Variants in PAX2 observed in about 807,000 individuals in gnomAD.
PAX2 encodes paired box 2, also known as paired box protein Pax-2.
A neutral mutation model predicts 41.7 loss-of-function variants in PAX2; 9 were observed. The ratio of observed to expected loss-of-function variants is 0.22; its 90% CI spans 0.13 to 0.38. The LOEUF (loss-of-function observed/expected upper bound fraction) is 0.38, where lower values mean the gene tolerates loss of function less well. Among genes scored for constraint, PAX2 ranks in the 10% least tolerant of loss-of-function variants. PAX2 has a pLI of 1.00. For synonymous variants in PAX2, 221 were observed against 212.7 expected (o/e 1.04, Z -0.34); for missense variants, 418 against 531.6 (o/e 0.79, Z 2.10).
chr10:100,781,425 C>T (rs1589848387), intron 5 of PAX2, 60 bp downstream of exon 5: 1 of 1,597,866 alleles, frequency 6.3e-7, no homozygotes, highest in African/African-American at 1.3e-5. Context: ...GGACTCCAAG[C>T]TCCGGTTTCG....
chr10:100,782,887 G>T (rs1846690971), intron 5 of PAX2, among the ~76,000 whole-genome samples: 1 of 152,242 alleles, frequency 6.6e-6, no homozygotes, highest in South Asian at 2.1e-4. Context: ...GGTAGAATCT[G>T]CCTCAAACCC....
Position 100,809,203 on chromosome 10 carries a change from G to A in PAX2, c.886G>A (p.Val296Met), listed in dbSNP as rs371910463. The change falls in exon 7 of 10, where the codon GTG becomes ATG. Residue 296 changes from valine (V) to methionine (M), a missense_variant. Transcript: ENST00000355243. ...CACCAACCCTGAGCTGGGCAGCAAC[G>A]TGTCAGGCACACAGACATACCCAGT... ...ASTNPELGSN[V>M]SGTQTYPVVT... 1.4e-5 allele frequency: 23 copies of A among 1,613,770 alleles called. No homozygotes were observed. The highest frequency in any genetic ancestry group is 9.3e-5 in the African/African-American group (7 of 74,912).
At chr10:100,756,873 G>A (rs1352162795) in intron 3 of PAX2, among the ~76,000 whole-genome samples, 22 of 152,196 alleles carry the variant, frequency 1.4e-4, no homozygotes, top group Admixed American at 1.4e-3. Context: ...GCTATCCCCA[G>A]TGCAGCTCCC....
chr10:100,807,132 C>T (rs984773193), intron 6 of PAX2, among the ~76,000 whole-genome samples: 1 of 152,148 alleles, frequency 6.6e-6, no homozygotes, highest in African/African-American at 2.4e-5. Context: ...GGCAGCTTCC[C>T]ACTTACACCC....
intron 5 of PAX2, among the ~76,000 whole-genome samples, chr10:100,796,471 T>A (rs113223909): frequency 0.012 from 1,903 of 152,322 alleles, 23 homozygotes; most frequent in Middle Eastern, 0.024. Flanking sequence ...TTTTAAAGCT[T>A]ATCTGTGTGC....
In PAX2 at chr10:100,748,745, C is replaced by G. The variant is rs1417556712; in HGVS notation, c.44-1001C>G. On this transcript the variant is annotated intron_variant, in intron 1 of 9. Transcript: ENST00000355243. This position sits in a 1 kb window ranked among gnomAD's most constrained non-coding sequence, Gnocchi z 5.0. ...CGGGTTGGAAACCCCGTGCCCTTCT[C>G]TTGGCCGAAAGAGCAAAAGCCCGAG... The G allele has an allele frequency of 1.0e-6, 1 of 985,376 alleles. No homozygotes were observed. Among genetic ancestry groups the G allele is most frequent in the Non-Finnish European group, 1.2e-6 (1 of 829,966 alleles). 61.0% of individuals were successfully genotyped at this position (985,376 alleles called of 1,614,324 possible). A position where few individuals can be genotyped will look rare whatever the true frequency, so the allele number is the denominator to read the frequency against.
chr10:100,743,520 G>T (rs1845039581), upstream of PAX2, among the ~76,000 whole-genome samples: 1 of 152,054 alleles, frequency 6.6e-6, no homozygotes, highest in African/African-American at 2.4e-5. Flanking sequence ...TGGGGCAAAG[G>T]TTACTTTAGT....
At chr10:100,811,112 A>C (rs1847976644) in intron 7 of PAX2, among the ~76,000 whole-genome samples, 1 of 152,132 alleles carries the variant, frequency 6.6e-6, no homozygotes, top group Non-Finnish European at 1.5e-5. Flanking sequence ...GAAATTACCA[A>C]AAAGAGACAA....
In PAX2 at chr10:100,827,078, G is replaced by A. The variant is rs138490772; in HGVS notation, c.1091G>A (p.Ser364Asn). 1.2e-5 allele frequency: 19 copies of A among 1,613,124 alleles called. No homozygotes were observed. The African/African-American group carries it at 2.3e-4, about 19-fold the overall frequency. The change falls in exon 9 of 10, where the codon AGC becomes AAC. Residue 364 changes from serine to asparagine, a missense_variant. Coordinates refer to ENST00000355243, the MANE Select transcript of PAX2 (RefSeq NM_000278.5). The surrounding 1 kb of genome is among the most constrained non-coding windows in gnomAD (Gnocchi z 8.5). ...GCCTACAACGAGGCTTGGAGATTCA[G>A]CAACCCCGCCTTACTAAGTGAGTAC... The part of the protein sequence containing the change: ...YTAYNEAWRF[S>N]NPALLSSPYY...
Position 100,748,011 on chromosome 10 carries a change from G to T in PAX2, c.43+1708G>T. The T allele has an allele frequency of 6.1e-6, 6 of 984,502 alleles. No homozygotes were observed. Among genetic ancestry groups the T allele is most frequent in the Non-Finnish European group, 7.2e-6 (6 of 829,792 alleles). The allele number at this position is 984,502 out of a possible 1,614,324, so 61.0% of individuals were successfully genotyped here. On this transcript the variant is annotated intron_variant, in intron 1 of 9. Transcript: ENST00000355243. This position sits in a 1 kb window ranked among gnomAD's most constrained non-coding sequence, Gnocchi z 5.0. Reference sequence around the variant, plus strand: ...GAGCCGCAGCGCGGGCCCGCGGGCCGGTGGACTGGTGGGTGAGACACCGCA... The same window carrying T: ...GAGCCGCAGCGCGGGCCCGCGGGCCTGTGGACTGGTGGGTGAGACACCGCA...
At chr10:100,813,165 A>G (rs1214378073) in intron 7 of PAX2, among the ~76,000 whole-genome samples, 1 of 152,246 alleles carries the variant, frequency 6.6e-6, no homozygotes, top group East Asian at 1.9e-4. Flanking sequence ...AGCTAGGGAA[A>G]GCACCAGTCC....
At chr10:100,747,466 A>ATT (rs149397887) in intron 1 of PAX2, 5 of 237,374 alleles carry the variant, frequency 2.1e-5, no homozygotes, top group African/African-American at 7.0e-5. Flanking sequence ...CTATTCTGAG[A>ATT]TTTTTTTTGC....
intron 7 of PAX2, 104 bp downstream of exon 7, chr10:100,809,340 T>C: frequency 6.9e-6 from 8 of 1,155,008 alleles, no homozygotes; most frequent in Non-Finnish European, 7.7e-6. Context: ...CACCGTGATA[T>C]TTACAGAGAG....
Position 100,827,452 on chromosome 10 carries a change from C to T in PAX2, c.1109-91C>T, listed in dbSNP as rs537806699. The T allele has an allele frequency of 9.1e-4, 1,196 of 1,317,756 alleles. No homozygotes were observed. The highest frequency in any genetic ancestry group is 1.2e-3 in the Non-Finnish European group (1,090 of 911,664). The allele number at this position is 1,317,756 out of a possible 1,614,324, so 81.6% of individuals were successfully genotyped here. The stretch of plus-strand genomic sequence containing the variant: ...AGTCCGGATCCCGCTGGACCCCAGC[C>T]AGGGGAGGTCTTTTCTGTGCTTTTC... On this transcript the variant is annotated intron_variant, in intron 9 of 9. Transcript: ENST00000355243. The surrounding 1 kb of genome is among the most constrained non-coding windows in gnomAD (Gnocchi z 8.5).
At chr10:100,821,455 C>T (rs1390341929) in intron 7 of PAX2, among the ~76,000 whole-genome samples, 3 of 152,194 alleles carry the variant, frequency 2.0e-5, no homozygotes, top group South Asian at 2.1e-4. Flanking sequence ...TCTTCTTTCA[C>T]GTTTTAAAAA....
chr10:100,776,474 C>G (rs1204535457), intron 3 of PAX2, among the ~76,000 whole-genome samples: 3 of 152,212 alleles, frequency 2.0e-5, no homozygotes, highest in Admixed American at 2.0e-4. Context: ...TTGGTTCTGC[C>G]ATTTCCTCTG....
rs535536485 is a variant in PAX2, at chr10:100,791,643, A to G, written c.616+10278A>G. Among the ~76,000 whole-genome samples, 201 of 152,286 alleles carry G rather than the reference A, an allele frequency of 1.3e-3. 1 individual carries two copies. Among genetic ancestry groups the G allele is most frequent in the African/African-American group, 4.5e-3 (186 of 41,554 alleles). ...CAGTGACAGAGGGAGAGATGCGCGGACACACTCACACACCCTTGCTGGCTC... is the reference window on the plus strand; with the variant it reads ...CAGTGACAGAGGGAGAGATGCGCGGGCACACTCACACACCCTTGCTGGCTC... On this transcript the variant is annotated intron_variant, in intron 5 of 9. Transcript: ENST00000355243. This position sits in a 1 kb window ranked among gnomAD's most constrained non-coding sequence, Gnocchi z 4.5.
rs747652645 is a variant in PAX2, at chr10:100,753,509, C to T, written c.410+2618C>T. ...ATTCTCACTCACTGTAGGAAGAGCC[C>T]GGAGATTTTCCTGTGTGCACAAAGT... is the stretch of plus-strand genomic sequence containing the variant. On this transcript the variant is annotated intron_variant, in intron 3 of 9. Transcript: ENST00000355243. Among the ~76,000 whole-genome samples, 16 of 152,140 alleles carry T rather than the reference C, an allele frequency of 1.1e-4. 1 individual carries two copies. Among genetic ancestry groups the T allele is most frequent in the Non-Finnish European group, 2.2e-4 (15 of 68,024 alleles).
rs1442993081 is a variant in PAX2, at chr10:100,748,735, G to A, written c.44-1011G>A. The stretch of plus-strand genomic sequence containing the variant: ...GCGCTGGAGCCGGGTTGGAAACCCC[G>A]TGCCCTTCTCTTGGCCGAAAGAGCA... On this transcript the variant is annotated intron_variant, in intron 1 of 9. Coordinates refer to ENST00000355243, the MANE Select transcript of PAX2 (RefSeq NM_000278.5). This position sits in a 1 kb window ranked among gnomAD's most constrained non-coding sequence, Gnocchi z 5.0. 2.0e-6 allele frequency: 2 copies of A among 985,390 alleles called. No individual in the cohort carries two copies. The highest frequency in any genetic ancestry group is 1.7e-5 in the African/African-American group (1 of 57,248). The allele number at this position is 985,390 out of a possible 1,614,324, so 61.0% of individuals were successfully genotyped here.
Sources: gnomAD v4.1 joint callset for allele counts (sites outside exome capture counted in the v4.1 genomes callset) on GRCh38, gnomAD v4.1.1 for gene constraint, Gnocchi (gnomAD v3.1) non-coding constraint, MANE v1.5 for transcripts, NCBI Gene and HGNC (gene_info 2026-07-23, HGNC 2026-07-21) for gene names.